Variants in PNKD observed in about 807,000 individuals in gnomAD.
PNKD encodes PNKD metallo-beta-lactamase domain containing.
Under a neutral mutation model 45.3 loss-of-function variants are expected in PNKD, and 36 were observed. The observed-to-expected ratio is 0.80, with a 90% CI of 0.61 to 1.05. PNKD has a LOEUF of 1.05. PNKD is among the 50% of genes least tolerant of loss of function. The probability of loss-of-function intolerance (pLI) is 0.00; values close to 1 mark genes in which losing one functional copy is unlikely to be tolerated. For missense variants in PNKD, 511 were observed against 506.6 expected, an observed-to-expected ratio of 1.01 and a Z score of -0.08; for synonymous variants, 197 against 210.1, an observed-to-expected ratio of 0.94 and a Z score of 0.54.
intron 2 of PNKD, among the ~76,000 whole-genome samples, chr2:218,324,151 G>C (rs1423825222): frequency 7.1e-6 from 1 of 140,738 alleles, no homozygotes; most frequent in African/African-American, 2.5e-5. Context: ...CCAGGGGAGG[G>C]TGGTGCCTAG....
chr2:218,344,408 C>G (rs1379233724), intron 8 of PNKD, 47 bp from the exon 9 acceptor site: 1 of 1,359,742 alleles, frequency 7.4e-7, no homozygotes, highest in Non-Finnish European at 1.0e-6. Context: ...CTGACTGTAC[C>G]ACCAATCTCT....
intron 2 of PNKD, among the ~76,000 whole-genome samples, chr2:218,336,850 G>A (rs1276856086): frequency 7.8e-6 from 1 of 128,516 alleles, no homozygotes; most frequent in Non-Finnish European, 1.6e-5. Flanking sequence ...AGGCTGGAGT[G>A]CAATGGTGTG....
chr2:218,275,486 C>T lies in PNKD; in HGVS notation c.236+3937C>T, dbSNP rs1259185032. 10 of 1,612,932 alleles carry T rather than the reference C, an allele frequency of 6.2e-6. No individual in the cohort carries two copies. Among genetic ancestry groups the T allele is most frequent in the African/African-American group, 2.7e-5 (2 of 74,900 alleles). On this transcript the variant is annotated intron_variant, in intron 2 of 9. Coordinates refer to ENST00000273077, the MANE Select transcript of PNKD (RefSeq NM_015488.5). ...TGGGGGCTTGCTCCTTAATTGCGAT[C>T]CCCCATCAGCTGCAGCACAAAGGTG...
chr2:218,323,374 G>C lies in PNKD; in HGVS notation c.237-16409G>C, dbSNP rs760560623. ...GTGAGCCCCCGCGGCTGCCGAGCGC[G>C]GCGGGGCCTCCGCGGTCTGCTCATG... On this transcript the variant is annotated intron_variant, in intron 2 of 9. Transcript: ENST00000273077. 9.5e-6 allele frequency: 15 copies of C among 1,580,278 alleles called. No homozygotes were observed. In the South Asian group the frequency reaches 1.0e-4, roughly 11 times the overall value.
chr2:218,271,354 A>G, intron 1 of PNKD, 27 bp from the exon 2 acceptor site: 1 of 1,610,164 alleles, frequency 6.2e-7, no homozygotes, highest in East Asian at 2.2e-5. Flanking sequence ...ATCTCTTCTT[A>G]CTGACCTTCC....
intron 2 of PNKD, among the ~76,000 whole-genome samples, chr2:218,330,412 C>T (rs1694286346): frequency 6.6e-6 from 1 of 152,174 alleles, no homozygotes; most frequent in Admixed American, 6.5e-5. Context: ...CCCAGCTGTC[C>T]CACATTGCCT....
intron 2 of PNKD, among the ~76,000 whole-genome samples, chr2:218,314,084 G>A (rs1339337229): frequency 1.3e-5 from 2 of 151,498 alleles, no homozygotes; most frequent in African/African-American, 4.8e-5. Context: ...ACCACACCCG[G>A]CTAATTTTTT....
In PNKD at chr2:218,343,604, T is replaced by C. The variant is rs367991088; in HGVS notation, c.868+18T>C. On this transcript the variant is annotated intron_variant, in intron 8 of 9. Coordinates refer to ENST00000273077, the MANE Select transcript of PNKD (RefSeq NM_015488.5). ...GTGGCCTGGTGAGACACCCCCTTAC[T>C]ACTCCCCATCCTCCAGCCCCACGCT... 8 of 1,584,242 alleles carry C rather than the reference T, an allele frequency of 5.0e-6. No individual in the cohort carries two copies. Among genetic ancestry groups the C allele is most frequent in the Non-Finnish European group, 6.0e-6 (7 of 1,158,292 alleles).
chr2:218,301,451 G>A (rs1337150183), intron 2 of PNKD, among the ~76,000 whole-genome samples: 1 of 152,126 alleles, frequency 6.6e-6, no homozygotes, highest in Non-Finnish European at 1.5e-5. Context: ...TCCCAGACAT[G>A]ACCACTAGGG....
At chr2:218,292,969 C>T (rs10193383) in intron 2 of PNKD, among the ~76,000 whole-genome samples, 95,226 of 152,166 alleles carry the variant, frequency 0.63, 30,005 homozygotes, top group African/African-American at 0.69. Context: ...TATTCCATTG[C>T]ATGGCTATGC....
At chr2:218,279,117 A>G (rs371708041) in intron 2 of PNKD, 2 of 1,613,808 alleles carry the variant, frequency 1.2e-6, no homozygotes, top group Non-Finnish European at 8.5e-7. Context: ...GGACAGGAGT[A>G]GTCACCCTGA....
At chr2:218,304,764 C>T (rs1007414757) in intron 2 of PNKD, among the ~76,000 whole-genome samples, 4 of 152,220 alleles carry the variant, frequency 2.6e-5, no homozygotes, top group Admixed American at 6.5e-5. Flanking sequence ...TCCAAGCCTT[C>T]GTTTGTTCAT....
chr2:218,297,514 T>G (rs1693168230), intron 2 of PNKD, among the ~76,000 whole-genome samples: 1 of 151,644 alleles, frequency 6.6e-6, no homozygotes. Flanking sequence ...TGAAACCCCA[T>G]CTCTACTAAA....
intron 2 of PNKD, chr2:218,277,305 G>A: frequency 6.7e-7 from 1 of 1,485,028 alleles, no homozygotes; most frequent in Non-Finnish European, 9.4e-7. Flanking sequence ...AGTGTGCCGG[G>A]GTCCGGGCCT....
At chr2:218,343,342 G>A (rs1694737441) in intron 7 of PNKD, among the ~76,000 whole-genome samples, 158 bp from the exon 8 acceptor site, 5 of 152,202 alleles carry the variant, frequency 3.3e-5, no homozygotes. Flanking sequence ...AGTTCCCAGT[G>A]AGGAGGGAAT....
rs1553667776 is a variant in PNKD at position 218,315,057 on chromosome 2, T to TTTCTTTCTTC, written c.237-24726_237-24725insTTCTTTCTTC. ...CTTTCTTTTTCTTTCTTTCTTTCTT[T>TTTCTTTCTTC]CTTCCTTCCTTCCTTCCTTTCTTTC... On this transcript the variant is annotated intron_variant, in intron 2 of 9. Coordinates refer to ENST00000273077, the MANE Select transcript of PNKD (RefSeq NM_015488.5). Among the ~76,000 whole-genome samples, 231 of 55,642 alleles carry TTTCTTTCTTC rather than the reference T, an allele frequency of 4.2e-3. 5 individuals are homozygous for TTTCTTTCTTC. The highest frequency in any genetic ancestry group is 0.013 in the African/African-American group (218 of 16,732). The allele number at this position is 55,642 out of a possible 152,430, so 36.5% of individuals were successfully genotyped here.
chr2:218,343,438 G>A, intron 7 of PNKD, 62 bp from the exon 8 acceptor site: 2 of 1,296,704 alleles, frequency 1.5e-6, no homozygotes, highest in Admixed American at 1.8e-5. Flanking sequence ...CTGTCTGGGT[G>A]TGCCTTATGC....
At chr2:218,321,934 C>CTT (rs35226712) in intron 2 of PNKD, among the ~76,000 whole-genome samples, 29,114 of 119,656 alleles carry the variant, frequency 0.24, 4,325 homozygotes, top group East Asian at 0.32. Flanking sequence ...GAGCTTGACT[C>CTT]TTTTTTTTTT....
Position 218,346,652 on chromosome 2 carries a change from A to G in PNKD, c.*1671A>G, listed in dbSNP as rs925001225. ...ATCACACTGTATTTTACTTGTTTAC[A>G]TGTTTGTCTCCCCTTCTAGACTGTG... On this transcript the variant is annotated 3_prime_UTR_variant, in exon 10 of 10. Transcript: ENST00000273077. 1 of 153,914 alleles carries G rather than the reference A, an allele frequency of 6.5e-6. No homozygotes were observed. The highest frequency in any genetic ancestry group is 1.5e-5 in the Non-Finnish European group (1 of 68,088). 9.5% of individuals were successfully genotyped at this position (153,914 alleles called of 1,614,324 possible). A position where few individuals can be genotyped will look rare whatever the true frequency, so the allele number is the denominator to read the frequency against.
Sources: gnomAD v4.1 joint callset for allele counts (sites outside exome capture counted in the v4.1 genomes callset) on GRCh38, gnomAD v4.1.1 for gene constraint, MANE v1.5 for transcripts, NCBI Gene and HGNC (gene_info 2026-07-23, HGNC 2026-07-21) for gene names.